Variants in CDH23 observed in about 807,000 individuals in gnomAD.
CDH23 encodes the protein cadherin-23.
Under a neutral mutation model 317.1 loss-of-function variants are expected in CDH23, and 189 were observed. The ratio of observed to expected loss-of-function variants is 0.60; its 90% CI spans 0.53 to 0.67. The LOEUF (loss-of-function observed/expected upper bound fraction) is 0.67, where lower values mean the gene tolerates loss of function less well. Among genes scored for constraint, CDH23 ranks in the 30% least tolerant of loss-of-function variants. The pLI is 0.00. For synonymous variants in CDH23, 1,839 were observed against 1,876.8 expected (o/e 0.98, Z 0.52); for missense variants, 4,401 against 4,592.4 (o/e 0.96, Z 1.20).
chr10:71,597,118 C>G (rs980074254), intron 9 of CDH23, among the ~76,000 whole-genome samples: 2 of 150,458 alleles, frequency 1.3e-5, no homozygotes, highest in Admixed American at 1.3e-4. Flanking sequence ...GGCCCCACGC[C>G]AACAGGAATT....
chr10:71,568,224 T>C (rs1044104677), intron 7 of CDH23, among the ~76,000 whole-genome samples: 2 of 152,238 alleles, frequency 1.3e-5, no homozygotes, highest in Admixed American at 6.5e-5. Context: ...AGCTGTGTGC[T>C]GCTGTTTGTA....
intron 6 of CDH23, among the ~76,000 whole-genome samples, chr10:71,526,427 T>C (rs1855044519): frequency 6.6e-6 from 1 of 152,190 alleles, no homozygotes; most frequent in Non-Finnish European, 1.5e-5. Flanking sequence ...GCTTCTCTAT[T>C]TCTGAGGTGG....
chr10:71,645,576 G>A, intron 12 of CDH23: 2 of 679,558 alleles, frequency 2.9e-6, no homozygotes, highest in South Asian at 1.4e-5. Flanking sequence ...ACCACCTGAA[G>A]GGGACACTGT....
chr10:71,434,771 C>T (rs1306426291), intron 1 of CDH23, among the ~76,000 whole-genome samples: 4 of 152,048 alleles, frequency 2.6e-5, no homozygotes, highest in East Asian at 3.9e-4. Flanking sequence ...GAAGCAGTAG[C>T]GGGTGAGGAG....
intron 41 of CDH23, among the ~76,000 whole-genome samples, chr10:71,783,326 G>A (rs981037623): frequency 3.5e-4 from 54 of 152,188 alleles, no homozygotes; most frequent in African/African-American, 1.1e-3. Context: ...TCCACCCTCC[G>A]TGTTCTCACC....
rs754739683 is a variant in CDH23 at position 71,669,058 on chromosome 10, C to A, written c.1450-6054C>A. 3.3e-5 allele frequency among the ~76,000 whole-genome samples: 5 copies of A among 152,232 alleles called. No individual in the cohort carries two copies. The South Asian group carries it at 8.3e-4, about 25-fold the overall frequency. ...CCAGTCTCGGCTGCACCCTCTCCCC[C>A]ACATGCTGACTGTAGGGCAGAGGCT... On this transcript the variant is annotated intron_variant, in intron 14 of 69. Transcript: ENST00000224721.
At chr10:71,433,383 G>T (rs1404621065) in intron 1 of CDH23, among the ~76,000 whole-genome samples, 1 of 152,148 alleles carries the variant, frequency 6.6e-6, no homozygotes, top group Non-Finnish European at 1.5e-5. Context: ...GGAATTGCTG[G>T]GCCACAGGGT....
chr10:71,795,019 C>A (rs553083849), intron 48 of CDH23, among the ~76,000 whole-genome samples: 1 of 152,068 alleles, frequency 6.6e-6, no homozygotes, highest in Admixed American at 6.5e-5. Context: ...TAGATGGATC[C>A]TAATAATAAG....
At chr10:71,742,734 T>C (rs1839771332) in intron 38 of CDH23, among the ~76,000 whole-genome samples, 1 of 152,214 alleles carries the variant, frequency 6.6e-6, no homozygotes, top group Non-Finnish European at 1.5e-5. Context: ...TGGTAAACCA[T>C]GAGGAGGAAG....
At chr10:71,784,455 C>T (rs1841043800) in intron 42 of CDH23, 35 bp downstream of exon 42, 4 of 1,602,378 alleles carry the variant, frequency 2.5e-6, no homozygotes, top group East Asian at 2.2e-5. Context: ...GGCTTCACCT[C>T]GCTGCCCCTG....
intron 14 of CDH23, among the ~76,000 whole-genome samples, chr10:71,654,028 G>T (rs1003566832): frequency 6.6e-6 from 1 of 152,154 alleles, no homozygotes; most frequent in Non-Finnish European, 1.5e-5. Context: ...TTGAGTTTTT[G>T]TCTGTGCTCA....
At chr10:71,627,643 T>C (rs1861806738) in intron 11 of CDH23, among the ~76,000 whole-genome samples, 1 of 152,130 alleles carries the variant, frequency 6.6e-6, no homozygotes, top group South Asian at 2.1e-4. Context: ...ACACGCCGGT[T>C]CCCGCAGCTC....
intron 3 of CDH23, among the ~76,000 whole-genome samples, chr10:71,485,817 C>G (rs1377809124): frequency 6.6e-6 from 1 of 152,160 alleles, no homozygotes; most frequent in East Asian, 1.9e-4. Context: ...TCAGGGTGCT[C>G]CAATTCTATG....
At chr10:71,522,224 C>T (rs1395923408) in intron 6 of CDH23, among the ~76,000 whole-genome samples, 1 of 151,916 alleles carries the variant, frequency 6.6e-6, no homozygotes, top group Non-Finnish European at 1.5e-5. Flanking sequence ...TGAGTGATTG[C>T]AAAGTGAATG....
In CDH23 at chr10:71,784,427, C is replaced by A; in HGVS notation, c.5502+7C>A. ...GCCCCCACTCAGCTCCACAGTGAGT[C>A]TGGGGGCCCCACCCGCTGGCTTCAC... On this transcript the variant is annotated splice_region_variant and intron_variant, in intron 42 of 69. Transcript: ENST00000224721. The A allele has an allele frequency of 1.2e-6, 2 of 1,611,206 alleles. No homozygotes were observed. Among genetic ancestry groups the A allele is most frequent in the Non-Finnish European group, 1.7e-6 (2 of 1,178,362 alleles).
Position 71,695,412 on chromosome 10 carries a change from T to G in CDH23, c.2290-6T>G, listed in dbSNP as rs775905039. 1.2e-6 allele frequency: 2 copies of G among 1,601,738 alleles called. No homozygotes were observed. The highest frequency in any genetic ancestry group is 3.3e-5 in the Admixed American group (2 of 60,014). Reference sequence around the variant, plus strand: ...GTGTCTCCCAGCGCCCCTTATGGCTTCACAGGTAAACATCACCCTCCTGGA... The same window carrying G: ...GTGTCTCCCAGCGCCCCTTATGGCTGCACAGGTAAACATCACCCTCCTGGA... On this transcript the variant is annotated splice_region_variant and splice_polypyrimidine_tract_variant and intron_variant, in intron 21 of 69. Transcript: ENST00000224721.
intron 38 of CDH23, among the ~76,000 whole-genome samples, chr10:71,767,902 G>A (rs888161397): frequency 1.3e-5 from 2 of 152,206 alleles, no homozygotes; most frequent in Admixed American, 6.5e-5. Context: ...TGGAGCTGGA[G>A]GCTAGCATGC....
chr10:71,795,863 T>G, intron 48 of CDH23: 1 of 987,134 alleles, frequency 1.0e-6, no homozygotes, highest in African/African-American at 1.7e-5. Flanking sequence ...TCTCTGTCAC[T>G]TCCCACCTCA....
chr10:71,779,894 CAG>C (rs1301199614), intron 41 of CDH23, among the ~76,000 whole-genome samples: 1 of 152,226 alleles, frequency 6.6e-6, no homozygotes, highest in African/African-American at 2.4e-5. Context: ...GGATGAAGAG[CAG>C]AGTTTGCCTT....
Sources: gnomAD v4.1 joint callset for allele counts (sites outside exome capture counted in the v4.1 genomes callset) on GRCh38, gnomAD v4.1.1 for gene constraint, MANE v1.5 for transcripts, NCBI Gene and HGNC (gene_info 2026-07-23, HGNC 2026-07-21) for gene names.